The following CTNNA3 variants were observed in gnomAD, a reference collection of about 807,000 sequenced individuals.
The protein encoded by CTNNA3 is catenin alpha 3, also known as catenin alpha-3.
Under a neutral mutation model 95.7 loss-of-function variants are expected in CTNNA3, and 76 were observed. That is an observed-to-expected ratio of 0.79 (90% confidence interval 0.66 to 0.96). The LOEUF (loss-of-function observed/expected upper bound fraction) is 0.96, where lower values mean the gene tolerates loss of function less well. Ranked by LOEUF, CTNNA3 falls within the 40% of genes least tolerant of loss-of-function variation. The probability of loss-of-function intolerance (pLI) is 0.00; values close to 1 mark genes in which losing one functional copy is unlikely to be tolerated. For missense variants in CTNNA3, 1,191 were observed against 1,089.8 expected (o/e 1.09, Z -1.31); for synonymous variants, 431 against 374.4 (o/e 1.15, Z -1.74).
intron 5 of CTNNA3, among the ~76,000 whole-genome samples, chr10:67,366,218 G>T (rs1359574680): frequency 6.6e-6 from 1 of 152,072 alleles, no homozygotes; most frequent in Non-Finnish European, 1.5e-5. Flanking sequence ...GGGGTTGGGG[G>T]GCTGAGGGAA....
chr10:67,511,728 T>A (rs1025003810), intron 5 of CTNNA3, among the ~76,000 whole-genome samples: 2 of 152,130 alleles, frequency 1.3e-5, no homozygotes, highest in Non-Finnish European at 2.9e-5. Flanking sequence ...TTAGGGAGGA[T>A]TCCCTCTTTT....
At chr10:66,249,306 G>T (rs1316671698) in intron 13 of CTNNA3, among the ~76,000 whole-genome samples, 1 of 152,026 alleles carries the variant, frequency 6.6e-6, no homozygotes, top group Non-Finnish European at 1.5e-5. Context: ...CTTCTGCACA[G>T]CAAAGAAACT....
At chr10:66,471,945 G>A (rs1453369818) in intron 11 of CTNNA3, among the ~76,000 whole-genome samples, 1 of 151,886 alleles carries the variant, frequency 6.6e-6, no homozygotes, top group Non-Finnish European at 1.5e-5. Context: ...TCTTTTATGG[G>A]TTAGACTTTT....
intron 7 of CTNNA3, among the ~76,000 whole-genome samples, chr10:67,179,683 G>C (rs1213796329): frequency 3.3e-5 from 5 of 151,814 alleles, no homozygotes; most frequent in Non-Finnish European, 7.4e-5. Context: ...ACAAAAATTA[G>C]CTGGGCATGG....
chr10:67,198,867 T>A (rs1863502327), intron 6 of CTNNA3, among the ~76,000 whole-genome samples: 1 of 152,176 alleles, frequency 6.6e-6, no homozygotes, highest in Non-Finnish European at 1.5e-5. Context: ...GCTTTGATAT[T>A]TATAGTCTTT....
chr10:67,693,566 C>A (rs573762713), intron 1 of CTNNA3, among the ~76,000 whole-genome samples: 2 of 152,178 alleles, frequency 1.3e-5, no homozygotes, highest in South Asian at 4.1e-4. Flanking sequence ...AAACTCCCAT[C>A]CTTCTGTAGC....
intron 10 of CTNNA3, among the ~76,000 whole-genome samples, chr10:66,566,020 C>T (rs1463499847): frequency 6.6e-6 from 1 of 152,084 alleles, no homozygotes; most frequent in African/African-American, 2.4e-5. Flanking sequence ...AGAACGCTAA[C>T]GGATTCATAG....
intron 9 of CTNNA3, among the ~76,000 whole-genome samples, chr10:66,679,044 T>A (rs1846970187): frequency 6.6e-6 from 1 of 152,156 alleles, no homozygotes; most frequent in Admixed American, 6.5e-5. Flanking sequence ...AAGGGTGTAA[T>A]ATGGTCAATG....
chr10:66,496,381 T>C (rs1349830505), intron 11 of CTNNA3, among the ~76,000 whole-genome samples: 1 of 152,218 alleles, frequency 6.6e-6, no homozygotes, highest in Non-Finnish European at 1.5e-5. Context: ...TGTGACAATA[T>C]AATTATTTCC....
At chr10:66,935,123 G>T (rs1409992661) in intron 7 of CTNNA3, among the ~76,000 whole-genome samples, 1 of 152,046 alleles carries the variant, frequency 6.6e-6, no homozygotes, top group East Asian at 1.9e-4. Flanking sequence ...TACCAACAGA[G>T]CCCTCATATT....
chr10:66,656,388 G>A (rs1323450823), intron 9 of CTNNA3, among the ~76,000 whole-genome samples: 5 of 152,114 alleles, frequency 3.3e-5, no homozygotes, highest in African/African-American at 4.8e-5. Flanking sequence ...CTGCAATGAA[G>A]TAGATTTCAT....
intron 12 of CTNNA3, among the ~76,000 whole-genome samples, chr10:66,364,193 ATAAT>A (rs142078537): frequency 0.018 from 2,642 of 150,778 alleles, 71 homozygotes; most frequent in African/African-American, 0.061. Flanking sequence ...TATATAGCAA[ATAAT>A]TAATTTCAAC....
chr10:66,458,822 T>A (rs1041625323), intron 11 of CTNNA3, among the ~76,000 whole-genome samples: 2 of 152,170 alleles, frequency 1.3e-5, no homozygotes, highest in Admixed American at 6.6e-5. Flanking sequence ...TAACCATTCA[T>A]CCCGTGAAGA....
intron 13 of CTNNA3, among the ~76,000 whole-genome samples, chr10:66,258,593 C>CT (rs1453062395): frequency 1.3e-5 from 2 of 152,048 alleles, no homozygotes; most frequent in Non-Finnish European, 2.9e-5. Context: ...CTAAGCCTTT[C>CT]TTTTTTTACG....
At chr10:66,853,461 C>G (rs1307904670) in intron 7 of CTNNA3, among the ~76,000 whole-genome samples, 1 of 152,094 alleles carries the variant, frequency 6.6e-6, no homozygotes, top group Admixed American at 6.6e-5. Flanking sequence ...AGCACATACT[C>G]AACTTAAAAG....
intron 9 of CTNNA3, among the ~76,000 whole-genome samples, chr10:66,648,812 G>GTA (rs1845795866): frequency 1.3e-5 from 2 of 152,144 alleles, no homozygotes; most frequent in Non-Finnish European, 1.5e-5. Context: ...TGATTTTTGG[G>GTA]TATATATATT....
chr10:67,012,609 A>AGAT (rs538902836), intron 7 of CTNNA3, among the ~76,000 whole-genome samples: 29 of 152,144 alleles, frequency 1.9e-4, no homozygotes, highest in Non-Finnish European at 3.5e-4. Context: ...AACCCTACGA[A>AGAT]GATAAAAATT....
intron 7 of CTNNA3, among the ~76,000 whole-genome samples, chr10:66,885,117 G>A (rs1457468121): frequency 6.6e-6 from 1 of 152,120 alleles, no homozygotes; most frequent in African/African-American, 2.4e-5. Context: ...TGAGACTACT[G>A]TATCAGAGAG....
intron 15 of CTNNA3, among the ~76,000 whole-genome samples, chr10:66,044,581 G>A (rs967816973): frequency 3.9e-5 from 6 of 152,002 alleles, no homozygotes; most frequent in Non-Finnish European, 7.4e-5. Flanking sequence ...ACTATTCTAT[G>A]CTGTTTTTTT....
Sources: allele counts gnomAD v4.1 joint callset (sites outside exome capture counted in the v4.1 genomes callset), GRCh38; gene constraint gnomAD v4.1.1; transcripts MANE v1.5; gene names NCBI Gene and HGNC (gene_info 2026-07-23, HGNC 2026-07-21).